The following PPIP5K1 variants were observed in gnomAD, a reference collection of about 807,000 sequenced individuals.
PPIP5K1 encodes the protein diphosphoinositol pentakisphosphate kinase 1.
A neutral mutation model predicts 27.7 loss-of-function variants in PPIP5K1; 6 were observed. That is an observed-to-expected ratio of 0.22 (90% CI 0.12 to 0.43). The LOEUF is 0.43. Among genes scored for constraint, PPIP5K1 ranks in the 20% least tolerant of loss-of-function variants. The pLI is 1.00. For missense variants in PPIP5K1, 394 were observed against 635.4 expected (o/e 0.62, Z 4.08); for synonymous variants, 145 against 242.6 (o/e 0.60, Z 3.74).
chr15:43,555,755 G>T (rs1595842772), intron 30 of PPIP5K1, among the ~76,000 whole-genome samples: 1 of 152,020 alleles, frequency 6.6e-6, no homozygotes, highest in Admixed American at 6.6e-5. Context: ...ACAGGTGCAT[G>T]CCACCATGCC....
At chr15:43,565,518 G>C (rs2084074148) in intron 26 of PPIP5K1, among the ~76,000 whole-genome samples, 2 of 141,142 alleles carry the variant, frequency 1.4e-5, no homozygotes, top group Middle Eastern at 3.5e-3. Flanking sequence ...CAGGCCTTTT[G>C]ACCTTTCCCA....
chr15:43,550,552 G>T (rs1021924762), intron 30 of PPIP5K1, among the ~76,000 whole-genome samples: 1 of 151,914 alleles, frequency 6.6e-6, no homozygotes, highest in South Asian at 2.1e-4. Context: ...TTTATATTTG[G>T]GACCATGTCC....
rs1215780395 is a variant in PPIP5K1, at chr15:43,586,793, A to AGGTC, written c.-122-1905_-122-1902dup. 4.6e-5 allele frequency among the ~76,000 whole-genome samples: 4 copies of AGGTC among 86,108 alleles called. No homozygotes were observed. In the East Asian group the frequency reaches 1.4e-3, roughly 31 times the overall value. 56.5% of individuals were successfully genotyped at this position (86,108 alleles called of 152,430 possible). A position where few individuals can be genotyped will look rare whatever the true frequency, so the allele number is the denominator to read the frequency against. ...GTTCAGAAAACCTGTTCAGGGAAAG[A>AGGTC]GGTCTAGTGTGGTTGGGAGGTTGAG... On this transcript the variant is annotated intron_variant, in intron 1 of 31. Transcript: ENST00000420765.
chr15:43,559,434 G>A lies in PPIP5K1; in HGVS notation c.3419-502C>T, dbSNP rs372915461. On this transcript the variant is annotated intron_variant, in intron 29 of 31. Coordinates refer to ENST00000420765, the MANE Select transcript of PPIP5K1 (RefSeq NM_001394395.1). ...GGGGTTCATGCAAATTTAGGATGTC[G>A]GCAGAAAGGCTAGAATACTTGGATG... is the stretch of plus-strand genomic sequence containing the variant. Among the ~76,000 whole-genome samples, 18 of 152,224 alleles carry A rather than the reference G, an allele frequency of 1.2e-4. No homozygotes were observed. The South Asian group carries it at 1.4e-3, about 12-fold the overall frequency.
intron 31 of PPIP5K1, among the ~76,000 whole-genome samples, chr15:43,535,856 T>G (rs2079780450): frequency 6.6e-6 from 1 of 152,236 alleles, no homozygotes. Flanking sequence ...AAAAAATTTT[T>G]TAAAATACTA....
At chr15:43,550,606 TA>T (rs767616713) in intron 30 of PPIP5K1, among the ~76,000 whole-genome samples, 5 of 152,210 alleles carry the variant, frequency 3.3e-5, no homozygotes, top group Non-Finnish European at 7.3e-5. Flanking sequence ...CCAATTTGGA[TA>T]TTTTTTTTTC....
chr15:43,555,354 C>G (rs1457431271), intron 30 of PPIP5K1, among the ~76,000 whole-genome samples: 1 of 151,580 alleles, frequency 6.6e-6, no homozygotes, highest in Non-Finnish European at 1.5e-5. Context: ...CGGCTCACTG[C>G]AACCTTCACC....
At chr15:43,558,247 G>C (rs973367873) in intron 30 of PPIP5K1, among the ~76,000 whole-genome samples, 1 of 127,180 alleles carries the variant, frequency 7.9e-6, no homozygotes, top group Non-Finnish European at 1.7e-5. Context: ...TTTTTTTTTT[G>C]AGATGGAGTC....
At chr15:43,549,834 G>A (rs1372351028) in intron 30 of PPIP5K1, among the ~76,000 whole-genome samples, 1 of 152,052 alleles carries the variant, frequency 6.6e-6, no homozygotes, top group South Asian at 2.1e-4. Flanking sequence ...AGCTGGATGT[G>A]GTGGTATATG....
chr15:43,557,210 C>T (rs1239078518), intron 30 of PPIP5K1, among the ~76,000 whole-genome samples: 1 of 152,020 alleles, frequency 6.6e-6, no homozygotes, highest in Non-Finnish European at 1.5e-5. Flanking sequence ...CTGTGGGAAC[C>T]CAAGGGGGGG....
chr15:43,546,027 G>A (rs2081330849), intron 30 of PPIP5K1, among the ~76,000 whole-genome samples: 1 of 149,462 alleles, frequency 6.7e-6, no homozygotes, highest in Non-Finnish European at 1.5e-5. Context: ...AAAAAAAAAA[G>A]AAGTCAATCT....
chr15:43,581,483 AAAC>A lies in PPIP5K1; in HGVS notation c.778-98_778-96del, dbSNP rs1401890516. On this transcript the variant is annotated intron_variant, in intron 8 of 31. Transcript: ENST00000420765. ...AGGTCTGTAGACGAGTTTCAGAGTA[AAAC>A]AACAACAACAAAAACAAAACAAATC... 55 of 775,758 alleles carry A rather than the reference AAAC, an allele frequency of 7.1e-5. 2 individuals are homozygous for A. The highest frequency in any genetic ancestry group is 4.6e-4 in the Middle Eastern group (2 of 4,384). The allele number at this position is 775,758 out of a possible 1,614,324, so 48.1% of individuals were successfully genotyped here.
chr15:43,555,984 A>G (rs1339411187), intron 30 of PPIP5K1, among the ~76,000 whole-genome samples: 2 of 152,192 alleles, frequency 1.3e-5, no homozygotes, highest in Non-Finnish European at 2.9e-5. Context: ...AAACCAATTC[A>G]ACACTAAATA....
chr15:43,556,962 T>C (rs1406400552), intron 30 of PPIP5K1, among the ~76,000 whole-genome samples: 1 of 152,218 alleles, frequency 6.6e-6, no homozygotes. Context: ...ACAATGTTGG[T>C]TCTAGCAGTT....
At chr15:43,551,270 C>A (rs1048090031) in intron 30 of PPIP5K1, among the ~76,000 whole-genome samples, 2 of 152,052 alleles carry the variant, frequency 1.3e-5, no homozygotes, top group Admixed American at 6.6e-5. Flanking sequence ...GTAATCCCAG[C>A]ACTTTGGGAG....
chr15:43,539,594 G>A lies in PPIP5K1; in HGVS notation c.3557-11C>T. 11 of 1,531,084 alleles carry A rather than the reference G, an allele frequency of 7.2e-6. No individual in the cohort carries two copies. The highest frequency in any genetic ancestry group is 9.9e-6 in the Non-Finnish European group (11 of 1,110,192). 94.8% of individuals were successfully genotyped at this position (1,531,084 alleles called of 1,614,324 possible). On this transcript the variant is annotated splice_polypyrimidine_tract_variant and intron_variant, in intron 30 of 31. Coordinates refer to ENST00000420765, the MANE Select transcript of PPIP5K1 (RefSeq NM_001394395.1). ...TGGAATCAAAGAGGGCTGGAAAGGA[G>A]GTAGGGTGAAGGGAGAGGGAAGAAA...
rs564273953 is a variant in PPIP5K1 at position 43,550,642 on chromosome 15, T to C, written c.3556+8153A>G. 1.3e-4 allele frequency among the ~76,000 whole-genome samples: 20 copies of C among 152,306 alleles called. No individual in the cohort carries two copies. In the South Asian group the frequency reaches 3.9e-3, roughly 30 times the overall value. On this transcript the variant is annotated intron_variant, in intron 30 of 31. Coordinates refer to ENST00000420765, the MANE Select transcript of PPIP5K1 (RefSeq NM_001394395.1). ...CCTTGCCTAAAACTCCTGGTACGAA[T>C]GTTGAATAGCAGTGGTTGAAGCCGG...
chr15:43,540,968 A>G (rs2080618533), intron 30 of PPIP5K1, among the ~76,000 whole-genome samples: 1 of 152,134 alleles, frequency 6.6e-6, no homozygotes, highest in Non-Finnish European at 1.5e-5. Flanking sequence ...ATTATTGCCT[A>G]GTATCATTCA....
intron 30 of PPIP5K1, among the ~76,000 whole-genome samples, chr15:43,552,528 T>TAAA (rs535937209): frequency 3.0e-4 from 21 of 69,408 alleles, no homozygotes; most frequent in African/African-American, 9.0e-4. Flanking sequence ...TCTGTCTCTA[T>TAAA]AAAAAAAAAA....
Sources: allele counts gnomAD v4.1 joint callset (sites outside exome capture counted in the v4.1 genomes callset), GRCh38; gene constraint gnomAD v4.1.1; transcripts MANE v1.5; gene names NCBI Gene and HGNC (gene_info 2026-07-23, HGNC 2026-07-21).